The following VPS53 variants were observed in gnomAD, a reference collection of about 807,000 sequenced individuals.
VPS53 encodes the protein VPS53 subunit of GARP complex.
Under a neutral mutation model 107.0 loss-of-function variants are expected in VPS53, and 70 were observed. The ratio of observed to expected loss-of-function variants is 0.65; its 90% CI spans 0.54 to 0.80. The LOEUF (loss-of-function observed/expected upper bound fraction) is 0.80. Among genes scored for constraint, VPS53 ranks in the 30% least tolerant of loss-of-function variants. VPS53 has a pLI of 0.00. For missense variants in VPS53, 917 were observed against 1,049.4 expected, an observed-to-expected ratio of 0.87 and a Z score of 1.74; for synonymous variants, 409 against 393.3, an observed-to-expected ratio of 1.04 and a Z score of -0.47.
At chr17:638,967 T>G (rs1028439811) in intron 7 of VPS53, among the ~76,000 whole-genome samples, 4 of 152,212 alleles carry the variant, frequency 2.6e-5, no homozygotes, top group African/African-American at 9.7e-5. Context: ...TTGGCCTGCC[T>G]TGCTAGGTTG....
chr17:570,155 T>C (rs2151862904), intron 13 of VPS53, among the ~76,000 whole-genome samples: 1 of 151,504 alleles, frequency 6.6e-6, no homozygotes, highest in East Asian at 1.9e-4. Context: ...TCACCTGAAG[T>C]CAGGAGTTCA....
intron 19 of VPS53, among the ~76,000 whole-genome samples, chr17:527,562 A>G (rs990842191): frequency 2.6e-5 from 4 of 152,158 alleles, no homozygotes; most frequent in Admixed American, 6.5e-5. Context: ...AGCACATATG[A>G]AAGTTCCAGA....
chr17:583,434 T>G (rs1432022159), intron 13 of VPS53, among the ~76,000 whole-genome samples: 2 of 140,638 alleles, frequency 1.4e-5, no homozygotes, highest in Admixed American at 7.2e-5. Flanking sequence ...CCCAGAGACC[T>G]CTCTCAGAAC....
intron 4 of VPS53, among the ~76,000 whole-genome samples, chr17:693,508 G>C (rs1972844705): frequency 6.6e-6 from 1 of 152,094 alleles, no homozygotes; most frequent in African/African-American, 2.4e-5. Flanking sequence ...GATCACTTCA[G>C]GCCAGGAGTT....
At chr17:688,503 A>G (rs1972667770) in intron 4 of VPS53, among the ~76,000 whole-genome samples, 1 of 152,228 alleles carries the variant, frequency 6.6e-6, no homozygotes, top group Non-Finnish European at 1.5e-5. Context: ...GCTTGTGTGC[A>G]ATAAACAGGA....
intron 7 of VPS53, among the ~76,000 whole-genome samples, chr17:636,697 C>T (rs890634739): frequency 1.6e-4 from 24 of 152,164 alleles, no homozygotes; most frequent in Non-Finnish European, 3.1e-4. Context: ...GTCTTTGGTT[C>T]TGTTTATATG....
chr17:568,136 T>C (rs531735989), intron 13 of VPS53, among the ~76,000 whole-genome samples: 19 of 152,168 alleles, frequency 1.2e-4, no homozygotes, highest in East Asian at 3.9e-4. Context: ...AATATTCTAA[T>C]TGGAATGTCA....
intron 19 of VPS53, among the ~76,000 whole-genome samples, chr17:530,779 G>T (rs938877476): frequency 6.6e-6 from 1 of 152,174 alleles, no homozygotes; most frequent in Non-Finnish European, 1.5e-5. Flanking sequence ...CAAGAAGCAT[G>T]ATCAATATTG....
chr17:591,188 G>A (rs917678317), intron 12 of VPS53, among the ~76,000 whole-genome samples: 4 of 152,218 alleles, frequency 2.6e-5, no homozygotes, highest in African/African-American at 7.2e-5. Context: ...AGTATTCTCT[G>A]ATGGTAGTTT....
intron 6 of VPS53, among the ~76,000 whole-genome samples, chr17:655,231 G>A (rs1433763016): frequency 6.6e-6 from 1 of 152,146 alleles, no homozygotes; most frequent in African/African-American, 2.4e-5. Context: ...TTGCTCCTTT[G>A]TAGTAAATCA....
chr17:513,391 A>G lies in VPS53; in HGVS notation c.*5737T>C, dbSNP rs549864879. The G allele has an allele frequency of 6.6e-6, 1 of 151,794 alleles. No individual in the cohort carries two copies. Among genetic ancestry groups the G allele is most frequent in the East Asian group, 1.9e-4 (1 of 5,148 alleles). 9.4% of individuals were successfully genotyped at this position (151,794 alleles called of 1,614,324 possible). ...TAGAACTTCGAGGGTCCAAGAGGCT[A>G]TTCTGATGAATACTAAAACAGGACT... On this transcript the variant is annotated 3_prime_UTR_variant, in exon 22 of 22. Transcript: ENST00000437048.
chr17:634,823 C>A (rs201326770), intron 7 of VPS53, among the ~76,000 whole-genome samples: 2 of 151,158 alleles, frequency 1.3e-5, no homozygotes, highest in East Asian at 3.9e-4. Context: ...GGTTCCAAGT[C>A]TTTGCTATTG....
At chr17:710,132 C>T (rs1339889235) in intron 2 of VPS53, among the ~76,000 whole-genome samples, 1 of 151,978 alleles carries the variant, frequency 6.6e-6, no homozygotes, top group African/African-American at 2.4e-5. Flanking sequence ...ACGACAACAG[C>T]AAAACTCCGT....
chr17:694,852 G>GT (rs1165521936), intron 4 of VPS53, among the ~76,000 whole-genome samples: 1 of 152,080 alleles, frequency 6.6e-6, no homozygotes, highest in Non-Finnish European at 1.5e-5. Flanking sequence ...ACTGAAGCTT[G>GT]TACTACCACA....
intron 4 of VPS53, among the ~76,000 whole-genome samples, chr17:666,277 A>G (rs1971680988): frequency 1.3e-5 from 2 of 152,232 alleles, no homozygotes; most frequent in African/African-American, 2.4e-5. Context: ...CACCAGTGAC[A>G]TGAGAAAAAA....
At position 653,185 on chromosome 17, in the gene VPS53, G is replaced by A. The variant is rs1461945815; in HGVS notation, c.608+106C>T. On this transcript the variant is annotated intron_variant, in intron 7 of 21. Coordinates refer to ENST00000437048, the MANE Select transcript of VPS53 (RefSeq NM_001128159.3). Reference sequence around the variant, plus strand: ...ACAGTTTACCTTTTGGAAAGCTGCCGGATCTGCGGAATCCCCATATACTTT... The same window carrying A: ...ACAGTTTACCTTTTGGAAAGCTGCCAGATCTGCGGAATCCCCATATACTTT... The A allele has an allele frequency of 2.6e-6, 4 of 1,559,000 alleles. No individual in the cohort carries two copies. In the East Asian group the frequency reaches 9.0e-5, roughly 35 times the overall value.
intron 13 of VPS53, among the ~76,000 whole-genome samples, chr17:576,709 G>T (rs532285491): frequency 1.3e-5 from 2 of 148,436 alleles, no homozygotes; most frequent in East Asian, 4.1e-4. Context: ...ACCTCCCTCA[G>T]GACCTCCATG....
In VPS53 at chr17:585,517, C is replaced by T. The variant is rs180983494; in HGVS notation, c.1313+753G>A. Reference sequence around the variant, plus strand: ...ACTAAAAATAGAGGGTGGCATGTGCCTGTGGTCCCAGCTACTTGGGAGACT... The same window carrying T: ...ACTAAAAATAGAGGGTGGCATGTGCTTGTGGTCCCAGCTACTTGGGAGACT... On this transcript the variant is annotated intron_variant, in intron 13 of 21. Transcript: ENST00000437048. Among the ~76,000 whole-genome samples, 2 of 152,198 alleles carry T rather than the reference C, an allele frequency of 1.3e-5. 1 individual carries two copies. Among genetic ancestry groups the T allele is most frequent in the Non-Finnish European group, 2.9e-5 (2 of 68,014 alleles).
chr17:565,168 G>A (rs775114122), intron 13 of VPS53, among the ~76,000 whole-genome samples: 4 of 151,994 alleles, frequency 2.6e-5, no homozygotes, highest in African/African-American at 7.2e-5. Context: ...TTGGGAAGCC[G>A]GGGCGGGTGG....
Sources: gnomAD v4.1 joint callset for allele counts (sites outside exome capture counted in the v4.1 genomes callset) on GRCh38, gnomAD v4.1.1 for gene constraint, MANE v1.5 for transcripts, NCBI Gene and HGNC (gene_info 2026-07-23, HGNC 2026-07-21) for gene names.